FAM184A: variants seen among roughly 807,000 people sequenced by gnomAD.
FAM184A encodes the protein protein FAM184A.
FAM184A carries 99 observed loss-of-function variants against 143.8 expected under a neutral mutation model. The observed-to-expected ratio is 0.69, with a 90% CI of 0.58 to 0.81. FAM184A has a LOEUF of 0.81. Ranked by LOEUF, FAM184A falls within the 40% of genes least tolerant of loss-of-function variation. The probability of loss-of-function intolerance (pLI) is 0.00; values close to 1 mark genes in which losing one functional copy is unlikely to be tolerated. For synonymous variants in FAM184A, 427 were observed against 446.4 expected, an observed-to-expected ratio of 0.96 and a Z score of 0.55; for missense variants, 1,217 against 1,310.5, an observed-to-expected ratio of 0.93 and a Z score of 1.10.
intron 1 of FAM184A, among the ~76,000 whole-genome samples, chr6:119,091,360 G>A (rs1382957524): frequency 6.6e-6 from 1 of 152,112 alleles, no homozygotes; most frequent in Non-Finnish European, 1.5e-5. Flanking sequence ...TAGATACACG[G>A]CATTGGCTCA....
At chr6:119,041,433 A>G (rs1786326771) in intron 1 of FAM184A, among the ~76,000 whole-genome samples, 1 of 152,156 alleles carries the variant, frequency 6.6e-6, no homozygotes, top group African/African-American at 2.4e-5. Flanking sequence ...CTAAAATGCT[A>G]ATTAGACAAA....
chr6:119,023,018 T>C lies in FAM184A; in HGVS notation c.1077A>G (p.Lys359=). The change falls in exon 3 of 18, where the codon AAA becomes AAG. Residue 359 remains lysine (K), a synonymous_variant. Coordinates refer to ENST00000338891, the MANE Select transcript of FAM184A (RefSeq NM_024581.6). ...EGEMALLSKH[K]EVESELAAAR... is the part of the protein sequence containing the mutation. ...CAGCTGCTAGCTCACTTTCCACTTC[T>C]TTGTGCTTGCTTAATAGGGCCATTT... The C allele has an allele frequency of 6.2e-7, 1 of 1,614,206 alleles. No individual in the cohort carries two copies.
intron 15 of FAM184A, 57 bp from the exon 16 acceptor site, chr6:118,964,828 C>T: frequency 1.1e-6 from 1 of 917,642 alleles, no homozygotes; most frequent in Non-Finnish European, 1.7e-6. Flanking sequence ...ATTTTAAAAA[C>T]ATAAATGTAT....
chr6:118,979,235 T>C, intron 11 of FAM184A, 130 bp downstream of exon 11: 2 of 809,402 alleles, frequency 2.5e-6, no homozygotes, highest in Middle Eastern at 2.9e-4. Flanking sequence ...AAATAAAATA[T>C]GCAGTACACT....
At chr6:119,087,798 C>T (rs1192371929) in intron 1 of FAM184A, among the ~76,000 whole-genome samples, 11 of 152,054 alleles carry the variant, frequency 7.2e-5, no homozygotes, top group African/African-American at 1.4e-4. Context: ...ATTTGTACAC[C>T]GATTGTCACA....
chr6:119,123,962 A>G (rs1001527207), intron 1 of FAM184A, among the ~76,000 whole-genome samples: 2 of 152,236 alleles, frequency 1.3e-5, no homozygotes, highest in Admixed American at 1.3e-4. Flanking sequence ...AGACACAAAC[A>G]TTTACAAAGC....
At chr6:119,055,519 G>A (rs1786937535) in intron 1 of FAM184A, among the ~76,000 whole-genome samples, 1 of 152,148 alleles carries the variant, frequency 6.6e-6, no homozygotes, top group Non-Finnish European at 1.5e-5. Flanking sequence ...ACAATGTATA[G>A]GGGTTTTAAT....
At chr6:119,030,615 T>C (rs1279858710) in intron 1 of FAM184A, among the ~76,000 whole-genome samples, 1 of 152,012 alleles carries the variant, frequency 6.6e-6, no homozygotes, top group Non-Finnish European at 1.5e-5. Flanking sequence ...ATTGATGTTA[T>C]GTAACTATTT....
chr6:118,964,198 G>A (rs769754940), intron 16 of FAM184A, among the ~76,000 whole-genome samples: 4 of 152,014 alleles, frequency 2.6e-5, no homozygotes, highest in Admixed American at 6.6e-5. Context: ...CAAAAAGAAC[G>A]GTCAGAAGGC....
chr6:119,126,694 G>A (rs1404983979), intron 1 of FAM184A, among the ~76,000 whole-genome samples: 3 of 152,222 alleles, frequency 2.0e-5, no homozygotes, highest in Non-Finnish European at 2.9e-5. Flanking sequence ...GCTCAGTGAA[G>A]CCTCTGCCTT....
At chr6:119,003,137 A>G (rs1333164805) in intron 8 of FAM184A, 88 bp from the exon 9 acceptor site, 24 of 1,177,632 alleles carry the variant, frequency 2.0e-5, no homozygotes, top group Non-Finnish European at 2.5e-5. Flanking sequence ...TAAGCGCTTA[A>G]TTAATCCTCT....
chr6:118,988,737 T>C (rs1171760709), intron 9 of FAM184A, among the ~76,000 whole-genome samples: 1 of 152,138 alleles, frequency 6.6e-6, no homozygotes, highest in Non-Finnish European at 1.5e-5. Flanking sequence ...ATTTACAACA[T>C]AGGCTCATTT....
intron 9 of FAM184A, among the ~76,000 whole-genome samples, chr6:118,985,592 T>C (rs1784166983): frequency 6.6e-6 from 1 of 151,666 alleles, no homozygotes; most frequent in African/African-American, 2.4e-5. Context: ...GGGCTGGCAC[T>C]GTCCCTCACT....
At chr6:118,993,615 G>T (rs1023296355) in intron 9 of FAM184A, among the ~76,000 whole-genome samples, 1 of 152,168 alleles carries the variant, frequency 6.6e-6, no homozygotes, top group African/African-American at 2.4e-5. Flanking sequence ...CTTAATGAAT[G>T]ATATGAACTC....
intron 15 of FAM184A, among the ~76,000 whole-genome samples, chr6:118,965,533 A>G (rs1314849756): frequency 1.3e-5 from 2 of 152,212 alleles, no homozygotes; most frequent in Non-Finnish European, 2.9e-5. Flanking sequence ...CCATAAGTAA[A>G]TACAACAGTG....
At chr6:119,050,738 G>A (rs1249019926) in intron 1 of FAM184A, among the ~76,000 whole-genome samples, 1 of 151,934 alleles carries the variant, frequency 6.6e-6, no homozygotes, top group Non-Finnish European at 1.5e-5. Flanking sequence ...CCGGGAAGCG[G>A]AGCTTGCAGT....
In FAM184A at chr6:119,004,947, C is replaced by G. The variant is rs187760311; in HGVS notation, c.1816-1325G>C. Among the ~76,000 whole-genome samples the G allele has an allele frequency of 5.8e-4, 89 of 152,292 alleles. No homozygotes were observed. In the South Asian group the frequency reaches 0.014, roughly 24 times the overall value. On this transcript the variant is annotated intron_variant, in intron 7 of 17. Transcript: ENST00000338891. ...GAACTGGGTGCGCACCAAGGCAAGACAGAACTTCCATGATACCATATAAAC... is the reference window on the plus strand; with the variant it reads ...GAACTGGGTGCGCACCAAGGCAAGAGAGAACTTCCATGATACCATATAAAC...
intron 1 of FAM184A, among the ~76,000 whole-genome samples, chr6:119,148,057 G>A (rs1225284901): frequency 2.0e-5 from 3 of 152,136 alleles, no homozygotes; most frequent in South Asian, 4.2e-4. Context: ...TATTTCCATG[G>A]AACCTATAAC....
chr6:119,024,619 G>A lies in FAM184A; in HGVS notation c.354C>T (p.His118=). ...TCAAAGCCTGCTGCTTCATTTTTAT[G>A]TGATCTTCTAATGATGATTCTAAAA... ...IQVLESSLED[H]IKMKQQALTE... is the part of the protein sequence containing the mutation. The change falls in exon 2 of 18, where the codon CAC becomes CAT. Residue 118 remains histidine, a synonymous_variant. Transcript: ENST00000338891. 1.2e-6 allele frequency: 2 copies of A among 1,614,090 alleles called. No homozygotes were observed. The highest frequency in any genetic ancestry group is 1.1e-5 in the South Asian group (1 of 91,068).
Sources: allele counts gnomAD v4.1 joint callset (sites outside exome capture counted in the v4.1 genomes callset), GRCh38; gene constraint gnomAD v4.1.1; transcripts MANE v1.5; gene names NCBI Gene and HGNC (gene_info 2026-07-23, HGNC 2026-07-21).